The following CNTN3 variants were observed in gnomAD, a reference collection of about 807,000 sequenced individuals.
CNTN3 encodes contactin 3, also known as contactin-3.
A neutral mutation model predicts 119.1 loss-of-function variants in CNTN3; 60 were observed. The ratio of observed to expected loss-of-function variants is 0.50; its 90% CI spans 0.41 to 0.62. The LOEUF (loss-of-function observed/expected upper bound fraction) is 0.62. Ranked by LOEUF, CNTN3 falls within the 20% of genes least tolerant of loss-of-function variation. The pLI, the probability that CNTN3 is intolerant of heterozygous loss-of-function variation, is 0.00. For missense variants in CNTN3, 1,101 were observed against 1,242.4 expected, an observed-to-expected ratio of 0.89 and a Z score of 1.71; for synonymous variants, 450 against 438.7, an observed-to-expected ratio of 1.03 and a Z score of -0.32.
chr3:74,486,323 C>T, intron 4 of CNTN3, 133 bp downstream of exon 4: 1 of 770,750 alleles, frequency 1.3e-6, no homozygotes, highest in Non-Finnish European at 2.0e-6. Flanking sequence ...AAAAATCATA[C>T]TGAATTGCTT....
At chr3:74,274,523 T>A (rs958358880) in intron 20 of CNTN3, among the ~76,000 whole-genome samples, 3 of 152,088 alleles carry the variant, frequency 2.0e-5, no homozygotes, top group Non-Finnish European at 4.4e-5. Flanking sequence ...CTGGTAGACA[T>A]GCTGGGTGAC....
chr3:74,387,047 G>C (rs998695522), intron 5 of CNTN3, among the ~76,000 whole-genome samples: 1 of 152,178 alleles, frequency 6.6e-6, no homozygotes, highest in African/African-American at 2.4e-5. Flanking sequence ...AGTGGAAAGC[G>C]ATGCAAGCAG....
intron 16 of CNTN3, 138 bp from the exon 17 acceptor site, chr3:74,300,076 C>T: frequency 2.3e-6 from 1 of 442,322 alleles, no homozygotes; most frequent in Non-Finnish European, 3.9e-6. Flanking sequence ...TGTTTATGTA[C>T]ATATACTTAT....
At chr3:74,310,591 G>C (rs1053102427) in intron 13 of CNTN3, among the ~76,000 whole-genome samples, 23 of 152,300 alleles carry the variant, frequency 1.5e-4, no homozygotes, top group African/African-American at 5.5e-4. Context: ...TAATACTATA[G>C]TGGCTGGATA....
intron 5 of CNTN3, among the ~76,000 whole-genome samples, chr3:74,380,628 G>GA (rs1157117959): frequency 6.6e-6 from 1 of 152,164 alleles, no homozygotes; most frequent in Non-Finnish European, 1.5e-5. Context: ...ATCCTTTAAT[G>GA]AATCCAAACG....
intron 1 of CNTN3, among the ~76,000 whole-genome samples, chr3:74,575,026 C>G (rs1286856340): frequency 1.3e-5 from 2 of 151,650 alleles, no homozygotes; most frequent in Non-Finnish European, 2.9e-5. Context: ...CAGACTCAAG[C>G]AATCCTCCCA....
intron 1 of CNTN3, among the ~76,000 whole-genome samples, chr3:74,592,239 A>C (rs1704715754): frequency 6.6e-6 from 1 of 151,908 alleles, no homozygotes; most frequent in African/African-American, 2.4e-5. Flanking sequence ...ATCAGAAGGC[A>C]GACTGGAAGA....
chr3:74,320,062 T>G (rs1702946764), intron 13 of CNTN3, among the ~76,000 whole-genome samples: 2 of 152,206 alleles, frequency 1.3e-5, no homozygotes, highest in East Asian at 3.9e-4. Flanking sequence ...ACTTTGACAC[T>G]GTTGGTGGGA....
At chr3:74,606,049 A>C (rs1442968480) in intron 1 of CNTN3, among the ~76,000 whole-genome samples, 10 of 152,134 alleles carry the variant, frequency 6.6e-5, no homozygotes, top group Admixed American at 6.5e-4. Context: ...CCTCAAAAAA[A>C]AGTGTGAGTA....
chr3:74,565,523 T>C (rs773941719), intron 1 of CNTN3, among the ~76,000 whole-genome samples: 19 of 152,164 alleles, frequency 1.2e-4, no homozygotes, highest in Non-Finnish European at 2.4e-4. Context: ...CATTTTGCCA[T>C]GGAAGGTAAC....
At chr3:74,393,950 T>C (rs1704981917) in intron 5 of CNTN3, among the ~76,000 whole-genome samples, 1 of 152,162 alleles carries the variant, frequency 6.6e-6, no homozygotes, top group Admixed American at 6.5e-5. Context: ...AAGTACATTC[T>C]ATAAAAATCT....
At chr3:74,353,646 C>T (rs2106753782) in intron 11 of CNTN3, among the ~76,000 whole-genome samples, 1 of 152,158 alleles carries the variant, frequency 6.6e-6, no homozygotes, top group Non-Finnish European at 1.5e-5. Context: ...GTCCCAGCTA[C>T]TCGGGAGGCC....
intron 13 of CNTN3, among the ~76,000 whole-genome samples, chr3:74,313,440 G>T (rs916162071): frequency 1.3e-5 from 2 of 151,040 alleles, no homozygotes; most frequent in African/African-American, 4.9e-5. Context: ...GAAAATGAAA[G>T]ATTAAAAAAA....
intron 17 of CNTN3, 133 bp downstream of exon 17, chr3:74,299,734 CA>C: frequency 1.7e-6 from 1 of 588,396 alleles, no homozygotes; most frequent in East Asian, 3.0e-5. Context: ...TTACCACCAG[CA>C]GCAGCAGCAC....
In CNTN3 at chr3:74,551,325, T is replaced by C. The variant is rs1703986692; in HGVS notation, c.-80-30133A>G. Reference sequence around the variant, plus strand: ...AGGGTCACTTTTTATTAATAGGTTTTATTTTTAGTGGAGTGTTAGGTTTCC... The same window carrying C: ...AGGGTCACTTTTTATTAATAGGTTTCATTTTTAGTGGAGTGTTAGGTTTCC... On this transcript the variant is annotated intron_variant, in intron 1 of 22. Coordinates refer to ENST00000263665, the MANE Select transcript of CNTN3 (RefSeq NM_020872.3). Among the ~76,000 whole-genome samples the C allele has an allele frequency of 2.0e-5, 3 of 152,156 alleles. No homozygotes were observed. The South Asian group carries it at 6.2e-4, about 32-fold the overall frequency.
At chr3:74,322,969 G>T (rs1390763957) in intron 13 of CNTN3, among the ~76,000 whole-genome samples, 1 of 152,174 alleles carries the variant, frequency 6.6e-6, no homozygotes, top group Non-Finnish European at 1.5e-5. Flanking sequence ...AAAAAGATTA[G>T]TGGTTGCCAG....
chr3:74,484,297 A>G lies in CNTN3; in HGVS notation c.358+2159T>C, dbSNP rs188529310. ...AAACACCAAATGGAAGCGGTGGAGG[A>G]AACCCTGCCTCTAAGATCATAAATA... On this transcript the variant is annotated intron_variant, in intron 4 of 22. Transcript: ENST00000263665. Among the ~76,000 whole-genome samples, 12 of 152,274 alleles carry G rather than the reference A, an allele frequency of 7.9e-5. 1 individual carries two copies.
chr3:74,569,598 C>A (rs1037362948), intron 1 of CNTN3, among the ~76,000 whole-genome samples: 2 of 152,168 alleles, frequency 1.3e-5, no homozygotes, highest in African/African-American at 4.8e-5. Flanking sequence ...TAAATAAGAT[C>A]TTGATAAGGA....
chr3:74,366,810 C>G (rs1433004168), intron 8 of CNTN3, among the ~76,000 whole-genome samples: 1 of 28,648 alleles, frequency 3.5e-5, no homozygotes, highest in African/African-American at 2.5e-4. Context: ...ATATATATAA[C>G]TTGCTCAGTA....
Sources: gnomAD v4.1 joint callset for allele counts (sites outside exome capture counted in the v4.1 genomes callset) on GRCh38, gnomAD v4.1.1 for gene constraint, MANE v1.5 for transcripts, NCBI Gene and HGNC (gene_info 2026-07-23, HGNC 2026-07-21) for gene names.